Variants in ADCYAP1R1 observed in about 807,000 individuals in gnomAD.
The protein encoded by ADCYAP1R1 is ADCYAP receptor type I, also known as pituitary adenylate cyclase-activating polypeptide type I receptor.
A neutral mutation model predicts 67.6 loss-of-function variants in ADCYAP1R1; 44 were observed. That is an observed-to-expected ratio of 0.65 (90% CI 0.51 to 0.84). The LOEUF is 0.84. Ranked by LOEUF, ADCYAP1R1 falls within the 40% of genes least tolerant of loss-of-function variation. ADCYAP1R1 has a pLI of 0.00. For synonymous variants in ADCYAP1R1, 222 were observed against 219.6 expected, an observed-to-expected ratio of 1.01 and a Z score of -0.10; for missense variants, 477 against 587.9, an observed-to-expected ratio of 0.81 and a Z score of 1.95.
At chr7:31,087,187 G>T (rs74327677) in intron 11 of ADCYAP1R1, among the ~76,000 whole-genome samples, 184 bp downstream of exon 11, 2 of 152,150 alleles carry the variant, frequency 1.3e-5, no homozygotes, top group Non-Finnish European at 2.9e-5. Context: ...ACCCAGCTGC[G>T]TCTCAGCCAG....
intron 2 of ADCYAP1R1, among the ~76,000 whole-genome samples, chr7:31,064,363 G>C (rs1794640358): frequency 6.6e-6 from 1 of 152,160 alleles, no homozygotes; most frequent in Non-Finnish European, 1.5e-5. Flanking sequence ...AGGCCTCCTG[G>C]GTTCGAATCC....
Position 31,097,384 on chromosome 7 carries a change from A to G in ADCYAP1R1, c.1046+4649A>G, listed in dbSNP as rs934183086. ...GTCGTGACTTTTAAGACATTCTGACATCTTCCTTTCTCCCACCGTGTCTCT... is the reference window on the plus strand; with the variant it reads ...GTCGTGACTTTTAAGACATTCTGACGTCTTCCTTTCTCCCACCGTGTCTCT... On this transcript the variant is annotated intron_variant, in intron 13 of 15. Coordinates refer to ENST00000304166, the MANE Select transcript of ADCYAP1R1 (RefSeq NM_001118.5). Among the ~76,000 whole-genome samples the G allele has an allele frequency of 2.0e-5, 3 of 152,314 alleles. 1 individual carries two copies. The highest frequency in any genetic ancestry group is 4.4e-5 in the Non-Finnish European group (3 of 68,034).
chr7:31,093,777 G>C (rs142696969), intron 13 of ADCYAP1R1, among the ~76,000 whole-genome samples: 1 of 152,182 alleles, frequency 6.6e-6, no homozygotes, highest in Non-Finnish European at 1.5e-5. Context: ...GCCTTCATCA[G>C]AGACCCCAGT....
At chr7:31,097,049 C>A (rs147260072) in intron 13 of ADCYAP1R1, among the ~76,000 whole-genome samples, 105 of 152,358 alleles carry the variant, frequency 6.9e-4, no homozygotes, top group African/African-American at 2.3e-3. Context: ...TGTGCTGGAT[C>A]CCCGGCTGAC....
At chr7:31,059,906 G>A (rs1388543931) in intron 1 of ADCYAP1R1, among the ~76,000 whole-genome samples, 1 of 151,818 alleles carries the variant, frequency 6.6e-6, no homozygotes, top group Non-Finnish European at 1.5e-5. Context: ...CTTTGCTGGC[G>A]GGGGCGTCTG....
intron 1 of ADCYAP1R1, among the ~76,000 whole-genome samples, chr7:31,059,730 C>T (rs571315112): frequency 6.6e-6 from 1 of 152,258 alleles, no homozygotes; most frequent in South Asian, 2.1e-4. Context: ...TCTGTAAGCT[C>T]TGAGCGTTGT....
intron 13 of ADCYAP1R1, among the ~76,000 whole-genome samples, chr7:31,094,202 T>C (rs1796090678): frequency 6.6e-6 from 1 of 152,232 alleles, no homozygotes; most frequent in Non-Finnish European, 1.5e-5. Flanking sequence ...ATGTGTATAT[T>C]ATGTAGTAGA....
intron 1 of ADCYAP1R1, among the ~76,000 whole-genome samples, chr7:31,061,458 G>T (rs1177944445): frequency 1.3e-5 from 2 of 152,194 alleles, no homozygotes; most frequent in African/African-American, 4.8e-5. Context: ...GTACAGAGAC[G>T]GAAGCCTGAG....
chr7:31,073,853 C>T (rs1562636140), intron 3 of ADCYAP1R1, among the ~76,000 whole-genome samples: 1 of 152,094 alleles, frequency 6.6e-6, no homozygotes, highest in South Asian at 2.1e-4. Context: ...GTCCTGGGGT[C>T]CTGAGGTCTC....
chr7:31,070,052 G>A (rs1224479940), intron 3 of ADCYAP1R1, among the ~76,000 whole-genome samples: 1 of 152,182 alleles, frequency 6.6e-6, no homozygotes. Context: ...CCACATTGGG[G>A]GCCAGAGCCA....
At chr7:31,093,870 G>A (rs1221240015) in intron 13 of ADCYAP1R1, among the ~76,000 whole-genome samples, 1 of 152,032 alleles carries the variant, frequency 6.6e-6, no homozygotes, top group Non-Finnish European at 1.5e-5. Context: ...GGTTCCCCCA[G>A]GGTCCCCTTC....
rs185203358 is a variant in ADCYAP1R1, at chr7:31,055,362, C to T, written c.-72+2684C>T. On this transcript the variant is annotated intron_variant, in intron 1 of 15. Transcript: ENST00000304166. ...GTGTGTGTGTGTGTGTGTGTGTGCACGCGCGTGTTGCATAAGCCTAGAACA... is the reference window on the plus strand; with the variant it reads ...GTGTGTGTGTGTGTGTGTGTGTGCATGCGCGTGTTGCATAAGCCTAGAACA... Among the ~76,000 whole-genome samples, 344 of 151,048 alleles carry T rather than the reference C, an allele frequency of 2.3e-3. 1 individual carries two copies. Among genetic ancestry groups the T allele is most frequent in the Non-Finnish European group, 4.0e-3 (273 of 67,964 alleles).
At chr7:31,063,561 T>G (rs1407879203) in intron 2 of ADCYAP1R1, among the ~76,000 whole-genome samples, 3 of 141,576 alleles carry the variant, frequency 2.1e-5, no homozygotes, top group Admixed American at 6.8e-5. Context: ...ACCTTTAGAG[T>G]TGCACAGTAC....
chr7:31,095,325 C>T (rs975219397), intron 13 of ADCYAP1R1, among the ~76,000 whole-genome samples: 2 of 152,206 alleles, frequency 1.3e-5, no homozygotes, highest in South Asian at 2.1e-4. Flanking sequence ...TTGACAGCAC[C>T]GTCATCCCTG....
At position 31,104,883 on chromosome 7, in the gene ADCYAP1R1, G is replaced by A. The variant is rs747797882; in HGVS notation, c.1192G>A (p.Val398Ile). 5.6e-6 allele frequency: 9 copies of A among 1,614,088 alleles called. No individual in the cohort carries two copies. The Admixed American group carries it at 1.3e-4, about 24-fold the overall frequency. The change falls in exon 15 of 16, where the codon GTT becomes ATT. Residue 398 changes from valine to isoleucine, a missense_variant. Transcript: ENST00000304166. ...LGSFQGFVVA[V>I]LYCFLNGEVQ... ...CTATTCCCAGGGCTTTGTGGTGGCT[G>A]TTCTCTACTGTTTTCTGAATGGTGA...
At chr7:31,101,116 G>T (rs926060910) in intron 13 of ADCYAP1R1, among the ~76,000 whole-genome samples, 1 of 152,208 alleles carries the variant, frequency 6.6e-6, no homozygotes, top group Non-Finnish European at 1.5e-5. Flanking sequence ...ATTTGCCAAA[G>T]TGGCCACCGG....
At chr7:31,058,964 G>C (rs1468527802) in intron 1 of ADCYAP1R1, among the ~76,000 whole-genome samples, 2 of 152,216 alleles carry the variant, frequency 1.3e-5, no homozygotes, top group Non-Finnish European at 2.9e-5. Flanking sequence ...AACTATTTCA[G>C]GCAGGTTAAA....
chr7:31,108,672 A>G lies in ADCYAP1R1; in HGVS notation c.*1988A>G, dbSNP rs1017256492. ...CTTCTCTAGGCCCTGCACGTAAGTGATTTTTCCAGTTCAAAGTCAAGACAG... is the reference window on the plus strand; with the variant it reads ...CTTCTCTAGGCCCTGCACGTAAGTGGTTTTTCCAGTTCAAAGTCAAGACAG... On this transcript the variant is annotated 3_prime_UTR_variant, in exon 16 of 16. Coordinates refer to ENST00000304166, the MANE Select transcript of ADCYAP1R1 (RefSeq NM_001118.5). The G allele has an allele frequency of 5.9e-5, 9 of 151,552 alleles. No individual in the cohort carries two copies. Among genetic ancestry groups the G allele is most frequent in the African/African-American group, 2.2e-4 (9 of 41,114 alleles). The allele number at this position is 151,552 out of a possible 1,614,324, so 9.4% of individuals were successfully genotyped here.
intron 15 of ADCYAP1R1, among the ~76,000 whole-genome samples, chr7:31,105,476 C>T (rs1010276967): frequency 7.9e-5 from 12 of 152,210 alleles, no homozygotes; most frequent in African/African-American, 2.9e-4. Context: ...AGCTGTGGTT[C>T]GGGGGCTCCC....
Sources: gnomAD v4.1 joint callset for allele counts (sites outside exome capture counted in the v4.1 genomes callset) on GRCh38, gnomAD v4.1.1 for gene constraint, MANE v1.5 for transcripts, NCBI Gene and HGNC (gene_info 2026-07-23, HGNC 2026-07-21) for gene names.